Variants in ARV1 observed in about 807,000 individuals in gnomAD.
The protein encoded by ARV1 is ARV1 fatty acid homeostasis modulator, also known as protein ARV1.
ARV1 carries 26 observed loss-of-function variants against 31.1 expected under a neutral mutation model. The observed-to-expected ratio is 0.84, with a 90% CI of 0.61 to 1.16. The LOEUF is 1.16. Among genes scored for constraint, ARV1 ranks in the 50% most tolerant of loss-of-function variants. The pLI is 0.00. For missense variants in ARV1, 281 were observed against 324.9 expected (o/e 0.86, Z 1.04); for synonymous variants, 117 against 123.2 (o/e 0.95, Z 0.34).
intron 3 of ARV1, among the ~76,000 whole-genome samples, chr1:230,992,618 A>G (rs1679259536): frequency 6.6e-6 from 1 of 152,228 alleles, no homozygotes; most frequent in South Asian, 2.1e-4. Context: ...TGCTTAATAA[A>G]TATTTGCTCA....
chr1:230,984,359 T>TGTGTGTGTGTGCGTGC (rs71179756), intron 1 of ARV1, among the ~76,000 whole-genome samples: 1 of 93,450 alleles, frequency 1.1e-5, no homozygotes, highest in African/African-American at 4.9e-5. Flanking sequence ...TGTGTGTGTG[T>TGTGTGTGTGTGCGTGC]GTGCGTGTGT....
chr1:230,980,005 A>C (rs1027530202), intron 1 of ARV1, among the ~76,000 whole-genome samples: 9 of 152,190 alleles, frequency 5.9e-5, no homozygotes, highest in Non-Finnish European at 1.0e-4. Flanking sequence ...TAGACAGTAC[A>C]TTTTTGTCCC....
At chr1:230,988,221 T>C (rs1346309306) in intron 1 of ARV1, 99 bp from the exon 2 acceptor site, 3 of 1,014,114 alleles carry the variant, frequency 3.0e-6, no homozygotes, top group Non-Finnish European at 2.9e-6. Context: ...ATGGCCATAT[T>C]GCTATCTGTG....
At chr1:230,996,891 C>A (rs1679386240) in intron 4 of ARV1, among the ~76,000 whole-genome samples, 1 of 152,182 alleles carries the variant, frequency 6.6e-6, no homozygotes, top group Non-Finnish European at 1.5e-5. Flanking sequence ...TCACGGGAAT[C>A]TGCCGCTTGA....
At chr1:230,984,359 T>TGTGTGTGTGTGTGTGC (rs71179756) in intron 1 of ARV1, among the ~76,000 whole-genome samples, 2 of 93,448 alleles carry the variant, frequency 2.1e-5, no homozygotes, top group East Asian at 2.6e-4. Flanking sequence ...TGTGTGTGTG[T>TGTGTGTGTGTGTGTGC]GTGCGTGTGT....
At chr1:230,988,054 C>CA (rs1308143705) in intron 1 of ARV1, among the ~76,000 whole-genome samples, 8 of 152,196 alleles carry the variant, frequency 5.3e-5, no homozygotes, top group Non-Finnish European at 1.0e-4. Context: ...TGCCTAAACT[C>CA]AGTCTTTAAA....
intron 1 of ARV1, chr1:230,979,621 A>G (rs1342731691): frequency 6.8e-6 from 2 of 295,744 alleles, no homozygotes; most frequent in Non-Finnish European, 1.3e-5. Flanking sequence ...TTTGACAGAG[A>G]GATGGTACCA....
At chr1:230,981,665 T>A (rs1244294470) in intron 1 of ARV1, among the ~76,000 whole-genome samples, 1 of 152,228 alleles carries the variant, frequency 6.6e-6, no homozygotes, top group Admixed American at 6.5e-5. Context: ...AGCCAGGGAC[T>A]GATCCTTTAA....
In ARV1 at chr1:230,995,838, T is replaced by A. The variant is rs755429838; in HGVS notation, c.527T>A (p.Phe176Tyr). The change falls in exon 4 of 6, where the codon TTC becomes TAC. Residue 176 changes from phenylalanine to tyrosine, a missense_variant. Phe to Tyr is a conservative substitution (Grantham distance 22, BLOSUM62 3). Coordinates refer to ENST00000310256, the MANE Select transcript of ARV1 (RefSeq NM_022786.3). ...ATGACGGCAAAAAAAAAGCCCAACT[T>A]CATTTTGCTGCTGAAAGCATTATTA... ...RPMTAKKKPN[F>Y]ILLLKALLLS... 1 of 1,614,170 alleles carries A rather than the reference T, an allele frequency of 6.2e-7. No individual in the cohort carries two copies.
intron 1 of ARV1, among the ~76,000 whole-genome samples, chr1:230,987,873 A>G (rs1333384235): frequency 6.6e-6 from 1 of 152,242 alleles, no homozygotes; most frequent in East Asian, 1.9e-4. Flanking sequence ...ACTTTTCTCC[A>G]AATCATGTGC....
chr1:230,994,228 A>G (rs1679303302), intron 3 of ARV1, among the ~76,000 whole-genome samples: 1 of 152,196 alleles, frequency 6.6e-6, no homozygotes, highest in African/African-American at 2.4e-5. Flanking sequence ...AATTTAAAAG[A>G]TGTGGAGGTT....
intron 2 of ARV1, among the ~76,000 whole-genome samples, chr1:230,989,897 A>C (rs532777191): frequency 1.3e-5 from 2 of 152,324 alleles, no homozygotes; most frequent in South Asian, 2.1e-4. Context: ...GGGCTCAGAC[A>C]TTTAAATTTT....
At chr1:230,982,182 A>G (rs1421170891) in intron 1 of ARV1, among the ~76,000 whole-genome samples, 1 of 152,352 alleles carries the variant, frequency 6.6e-6, no homozygotes, top group East Asian at 1.9e-4. Flanking sequence ...ATGTCTGTTG[A>G]ATAAATGTAT....
intron 3 of ARV1, among the ~76,000 whole-genome samples, chr1:230,993,374 G>T (rs1052087790): frequency 2.0e-5 from 3 of 152,190 alleles, no homozygotes; most frequent in Non-Finnish European, 4.4e-5. Context: ...GAGACTGCAG[G>T]CATCAGCCAC....
intron 3 of ARV1, chr1:230,990,620 T>C (rs1371378675): frequency 5.8e-6 from 2 of 344,328 alleles, no homozygotes; most frequent in African/African-American, 2.2e-5. Context: ...AGTGGCACAG[T>C]CACAGCTCAC....
chr1:230,988,625 T>C (rs1679145725), intron 2 of ARV1, among the ~76,000 whole-genome samples, 186 bp downstream of exon 2: 1 of 152,158 alleles, frequency 6.6e-6, no homozygotes, highest in African/African-American at 2.4e-5. Flanking sequence ...TTTTGAAAGG[T>C]GCACAATGCT....
intron 3 of ARV1, among the ~76,000 whole-genome samples, chr1:230,993,616 C>T (rs1318768872): frequency 2.6e-5 from 4 of 151,998 alleles, no homozygotes; most frequent in Non-Finnish European, 4.4e-5. Context: ...ATATCTTGGC[C>T]GGGCGTGGTA....
chr1:230,986,753 G>A (rs1679090248), intron 1 of ARV1, among the ~76,000 whole-genome samples: 1 of 135,158 alleles, frequency 7.4e-6, no homozygotes, highest in Non-Finnish European at 1.5e-5. Context: ...CCCAGGATGG[G>A]CTCGAACTTC....
chr1:230,980,630 A>G (rs1162734824), intron 1 of ARV1, among the ~76,000 whole-genome samples: 1 of 152,078 alleles, frequency 6.6e-6, no homozygotes, highest in Non-Finnish European at 1.5e-5. Flanking sequence ...CACTGCGAAA[A>G]CAGAAGAGAA....
Sources: gnomAD v4.1 joint callset for allele counts (sites outside exome capture counted in the v4.1 genomes callset) on GRCh38, gnomAD v4.1.1 for gene constraint, MANE v1.5 for transcripts, NCBI Gene and HGNC (gene_info 2026-07-23, HGNC 2026-07-21) for gene names.